PIWIL1: variants seen among roughly 807,000 people sequenced by gnomAD.
PIWIL1 encodes the protein piwi like RNA-mediated gene silencing 1, also known as piwi-like protein 1.
Under a neutral mutation model 114.4 loss-of-function variants are expected in PIWIL1, and 73 were observed. The observed-to-expected ratio is 0.64, with a 90% CI of 0.53 to 0.78. PIWIL1 has a LOEUF of 0.78. Ranked by LOEUF, PIWIL1 falls within the 30% of genes least tolerant of loss-of-function variation. PIWIL1 has a pLI of 0.00. For missense variants in PIWIL1, 723 were observed against 1,063.1 expected (o/e 0.68, Z 4.45); for synonymous variants, 375 against 369.0 (o/e 1.02, Z -0.19).
chr12:130,378,750 T>C, the PIWIL1 span, among the ~76,000 whole-genome samples: 80,823 of 152,124 alleles, frequency 0.53, 22,756 homozygotes, highest in Non-Finnish European at 0.63. Flanking sequence ...ATGTTGGCCG[T>C]TCTTACATCT....
At chr12:130,396,687 C>CCAAA in the PIWIL1 span, 1 of 152,600 alleles carries the variant, frequency 6.6e-6, no homozygotes, top group African/African-American at 2.4e-5. Flanking sequence ...TGGTGCTTTA[C>CCAAA]CAAACAAAGT....
intron 14 of PIWIL1, among the ~76,000 whole-genome samples, chr12:130,359,711 A>T (rs2073458368): frequency 6.6e-6 from 1 of 152,244 alleles, no homozygotes. Flanking sequence ...GATACATAGA[A>T]GTTCAGTCAA....
In PIWIL1 at chr12:130,370,244, G is replaced by GA. The variant is rs11350549; in HGVS notation, c.2322-918dup. Among the ~76,000 whole-genome samples the GA allele has an allele frequency of 2.7e-3, 391 of 143,652 alleles. 5 individuals are homozygous for GA. Among genetic ancestry groups the GA allele is most frequent in the South Asian group, 0.018 (81 of 4,522 alleles). 94.2% of individuals were successfully genotyped at this position (143,652 alleles called of 152,430 possible). A position where few individuals can be genotyped will look rare whatever the true frequency, so the allele number is the denominator to read the frequency against. ...GATATTTTATTGGTACCAAGAAAAT[G>GA]AAAAAAAAAAAAAACTAATGCGTAT... On this transcript the variant is annotated intron_variant, in intron 19 of 20. Transcript: ENST00000245255.
chr12:130,399,738 G>A, the PIWIL1 span: 1 of 1,614,190 alleles, frequency 6.2e-7, no homozygotes, highest in Non-Finnish European at 8.5e-7. Flanking sequence ...GCATCAGAAA[G>A]ATAGACTTCT....
At chr12:130,367,390 A>G in intron 19 of PIWIL1, 132 bp downstream of exon 19, 1 of 893,338 alleles carries the variant, frequency 1.1e-6, no homozygotes, top group Non-Finnish European at 1.6e-6. Context: ...TAATTTTTTC[A>G]ACTAATTTGG....
the PIWIL1 span, among the ~76,000 whole-genome samples, chr12:130,413,307 T>C: frequency 6.6e-6 from 1 of 152,042 alleles, no homozygotes; most frequent in Non-Finnish European, 1.5e-5. Flanking sequence ...GCACACTTTC[T>C]CTCATTTTCC....
intron 12 of PIWIL1, among the ~76,000 whole-genome samples, chr12:130,356,375 ATTG>A (rs1233900611): frequency 6.7e-6 from 1 of 149,972 alleles, no homozygotes; most frequent in Non-Finnish European, 1.5e-5. Context: ...TTCTGGTTGC[ATTG>A]TTTACGCTAT....
chr12:130,390,715 T>C, the PIWIL1 span, among the ~76,000 whole-genome samples: 1 of 152,208 alleles, frequency 6.6e-6, no homozygotes, highest in Non-Finnish European at 1.5e-5. Flanking sequence ...ATAGACCTTG[T>C]TTGGTTTGTT....
chr12:130,347,947 G>A (rs55887533), intron 6 of PIWIL1, among the ~76,000 whole-genome samples, 156 bp from the exon 7 acceptor site: 26,078 of 152,106 alleles, frequency 0.17, 2,422 homozygotes, highest in South Asian at 0.22. Context: ...TTTGAAAACC[G>A]TTGGTAACTC....
At chr12:130,348,824 C>T (rs889001001) in intron 7 of PIWIL1, among the ~76,000 whole-genome samples, 2 of 152,028 alleles carry the variant, frequency 1.3e-5, no homozygotes, top group Non-Finnish European at 2.9e-5. Context: ...TGCTTGAACC[C>T]GGGAGGCGGA....
At chr12:130,362,947 G>T in intron 17 of PIWIL1, 44 bp from the exon 18 acceptor site, 1 of 1,612,226 alleles carries the variant, frequency 6.2e-7, no homozygotes, top group Non-Finnish European at 8.5e-7. Flanking sequence ...GACGAGTTGT[G>T]TCGTAGGCAT....
chr12:130,346,577 AGCAAAAGGTTATTT>A lies in PIWIL1; in HGVS notation c.526_531+8del. ...ATATTATTTTTACCTAAAAGACTACAGCAAAAGGTTATTTGGGAAAAGGGAGATGGGGGATTTCC... is the reference window on the plus strand; with the variant it reads ...ATATTATTTTTACCTAAAAGACTACAGGGAAAAGGGAGATGGGGGATTTCC... On this transcript the variant is annotated splice_donor_variant and splice_donor_5th_base_variant and coding_sequence_variant and intron_variant, in exon 5 of 21. Transcript: ENST00000245255. LOFTEE classifies it high-confidence loss of function. 1 of 1,611,776 alleles carries A rather than the reference AGCAAAAGGTTATTT, an allele frequency of 6.2e-7. No individual in the cohort carries two copies. The highest frequency in any genetic ancestry group is 8.5e-7 in the Non-Finnish European group (1 of 1,178,072).
the PIWIL1 span, chr12:130,424,589 G>A: frequency 2.7e-5 from 33 of 1,231,968 alleles, no homozygotes; most frequent in South Asian, 6.2e-4. This position sits in a 1 kb window ranked among gnomAD's most constrained non-coding sequence, Gnocchi z 9.8. Flanking sequence ...CCACGTGGGG[G>A]ACGGCCCCCG....
At chr12:130,342,823 G>A (rs993862489) in intron 2 of PIWIL1, among the ~76,000 whole-genome samples, 154 bp downstream of exon 2, 5 of 152,320 alleles carry the variant, frequency 3.3e-5, no homozygotes, top group East Asian at 3.9e-4. Flanking sequence ...AAGCTGATTC[G>A]TGACTTTATT....
chr12:130,365,324 G>A (rs77398440), intron 18 of PIWIL1, among the ~76,000 whole-genome samples: 2,215 of 152,310 alleles, frequency 0.015, 24 homozygotes, highest in Non-Finnish European at 0.025. Context: ...GTTTGTAGAA[G>A]AAGGGAACAG....
At chr12:130,404,371 C>T in the PIWIL1 span, among the ~76,000 whole-genome samples, 14 of 152,162 alleles carry the variant, frequency 9.2e-5, no homozygotes, top group Non-Finnish European at 8.8e-5. Context: ...GATCTCAGCT[C>T]ACCGCAACCT....
the PIWIL1 span, among the ~76,000 whole-genome samples, chr12:130,420,213 G>A: frequency 1.3e-5 from 2 of 152,068 alleles, no homozygotes; most frequent in South Asian, 2.1e-4. The surrounding 1 kb of genome is among the most constrained non-coding windows in gnomAD (Gnocchi z 4.3). Context: ...AGCACCCTCC[G>A]CTTCTGTTTC....
At chr12:130,383,336 T>C in the PIWIL1 span, 86,436 of 151,986 alleles carry the variant, frequency 0.57, 27,455 homozygotes, top group Non-Finnish European at 0.7. Flanking sequence ...GGAGGCAGCT[T>C]TACTCCTGAG....
At chr12:130,353,442 A>T (rs1277982391) in intron 9 of PIWIL1, among the ~76,000 whole-genome samples, 1 of 150,758 alleles carries the variant, frequency 6.6e-6, no homozygotes, top group Non-Finnish European at 1.5e-5. Context: ...TTTTTTTTTA[A>T]AGCTGGATCT....
Sources: allele counts gnomAD v4.1 joint callset (sites outside exome capture counted in the v4.1 genomes callset), GRCh38; gene constraint gnomAD v4.1.1; non-coding constraint Gnocchi (gnomAD v3.1); transcripts MANE v1.5; gene names NCBI Gene and HGNC (gene_info 2026-07-23, HGNC 2026-07-21).